Variants in TBP observed in about 807,000 individuals in gnomAD.
TBP encodes TATA-box binding protein.
A neutral mutation model predicts 46.2 loss-of-function variants in TBP; 12 were observed. The ratio of observed to expected loss-of-function variants is 0.26; its 90% CI spans 0.17 to 0.42. TBP has a LOEUF of 0.42. Ranked by LOEUF, TBP falls within the 10% of genes least tolerant of loss-of-function variation. The probability of loss-of-function intolerance (pLI) is 1.00; values close to 1 mark genes in which losing one functional copy is unlikely to be tolerated. For synonymous variants in TBP, 157 were observed against 148.3 expected (o/e 1.06, Z -0.42); for missense variants, 229 against 403.1 (o/e 0.57, Z 3.70).
rs1212600998 is a variant in TBP at position 170,569,594 on chromosome 6, CT to C, written c.678-12del. The C allele has an allele frequency of 1.2e-5, 20 of 1,606,720 alleles. No homozygotes were observed. The highest frequency in any genetic ancestry group is 1.7e-4 in the Middle Eastern group (1 of 6,002). ...GCTGGCTCTGAGTATGAATAACTCA[CT>C]TTTTTCCTTTCCCTAGTGAAGAACA... On this transcript the variant is annotated splice_polypyrimidine_tract_variant and intron_variant, in intron 5 of 7. Coordinates refer to ENST00000392092, the MANE Select transcript of TBP (RefSeq NM_003194.5).
chr6:170,564,212 C>T (rs1158613936), intron 3 of TBP, among the ~76,000 whole-genome samples: 3 of 152,188 alleles, frequency 2.0e-5, no homozygotes, highest in African/African-American at 7.2e-5. Context: ...AGGCTAAGGG[C>T]AGGCTCTGGA....
rs758096834 is a variant in TBP, at chr6:170,562,009, G to GCAA, written c.275_276insACA (p.Gln95dup). 14 of 1,527,598 alleles carry GCAA rather than the reference G, an allele frequency of 9.2e-6. No homozygotes were observed. In the Admixed American group the frequency reaches 1.2e-4, roughly 13 times the overall value. 94.6% of individuals were successfully genotyped at this position (1,527,598 alleles called of 1,614,324 possible). ...AGCAGCAGCAGCAGCAGCAGCAGCA[G>GCAA]CAGCAGCAACAGGCAGTGGCAGCTG... On this transcript the variant is annotated inframe_insertion, in exon 3 of 8. Coordinates refer to ENST00000392092, the MANE Select transcript of TBP (RefSeq NM_003194.5).
intron 5 of TBP, among the ~76,000 whole-genome samples, chr6:170,567,735 T>TA (rs1253987146): frequency 7.2e-5 from 11 of 152,214 alleles, no homozygotes; most frequent in Non-Finnish European, 2.9e-5. Context: ...CTTTCATTAA[T>TA]AGTGTTTGAG....
chr6:170,566,237 A>T (rs971799736), intron 4 of TBP, among the ~76,000 whole-genome samples: 8 of 152,222 alleles, frequency 5.3e-5, no homozygotes, highest in Non-Finnish European at 1.2e-4. Context: ...TCATGTACCT[A>T]ATAACTGAGG....
chr6:170,566,460 T>C (rs1779248376), intron 4 of TBP, among the ~76,000 whole-genome samples: 2 of 152,264 alleles, frequency 1.3e-5, no homozygotes, highest in Admixed American at 6.5e-5. Context: ...TACGTATTGA[T>C]AGGCTTGTAA....
intron 5 of TBP, among the ~76,000 whole-genome samples, chr6:170,568,163 A>T (rs532757298): frequency 7.9e-5 from 12 of 152,062 alleles, no homozygotes; most frequent in African/African-American, 2.9e-4. Flanking sequence ...TGCAGTAGTA[A>T]CCTCTTTAAT....
intron 3 of TBP, among the ~76,000 whole-genome samples, chr6:170,563,636 T>C (rs552754507): frequency 1.1e-3 from 162 of 152,316 alleles, no homozygotes; most frequent in Non-Finnish European, 1.9e-3. Context: ...TTGTGTATCA[T>C]AGACTGTACA....
At chr6:170,567,349 G>C (rs1438430406) in intron 5 of TBP, 1 of 153,822 alleles carries the variant, frequency 6.5e-6, no homozygotes, top group South Asian at 2.0e-4. Flanking sequence ...GCCAGGCGTG[G>C]TAGTGGATGT....
At chr6:170,571,351 T>A (rs762919624) in intron 6 of TBP, 59 bp from the exon 7 acceptor site, 48 of 1,282,268 alleles carry the variant, frequency 3.7e-5, no homozygotes, top group Non-Finnish European at 5.2e-5. Flanking sequence ...CAGGTCCTCA[T>A]TTTATCTAAA....
At chr6:170,556,650 C>T (rs898777871) in intron 1 of TBP, among the ~76,000 whole-genome samples, 1 of 152,046 alleles carries the variant, frequency 6.6e-6, no homozygotes, top group Admixed American at 6.6e-5. Flanking sequence ...GAGCATTTTC[C>T]GATTATTTAA....
chr6:170,568,828 T>C (rs547673051), intron 5 of TBP, among the ~76,000 whole-genome samples: 47 of 117,498 alleles, frequency 4.0e-4, no homozygotes, highest in African/African-American at 1.4e-3. Flanking sequence ...TTTTTTTTTT[T>C]TTTTTTTTTT....
At chr6:170,558,016 C>G (rs1779063915) in intron 2 of TBP, among the ~76,000 whole-genome samples, 1 of 152,112 alleles carries the variant, frequency 6.6e-6, no homozygotes, top group Non-Finnish European at 1.5e-5. Context: ...GACTTCTTAG[C>G]CCAGTGTACT....
intron 6 of TBP, among the ~76,000 whole-genome samples, chr6:170,570,203 T>G (rs962351668): frequency 1.3e-5 from 2 of 152,218 alleles, no homozygotes. Flanking sequence ...TCCCTGCTAC[T>G]TGCAGGTGAA....
chr6:170,561,913 GCAGCAACAACAA>G lies in TBP; in HGVS notation c.183_194del (p.Gln92_Gln95del). 6.3e-7 allele frequency: 1 copy of G among 1,581,098 alleles called. No individual in the cohort carries two copies. Among genetic ancestry groups the G allele is most frequent in the Non-Finnish European group, 8.5e-7 (1 of 1,170,490 alleles). On this transcript the variant is annotated inframe_deletion, in exon 3 of 8. Coordinates refer to ENST00000392092, the MANE Select transcript of TBP (RefSeq NM_003194.5). ...TTTTGGAAGAGCAACAAAGGCAGCA[GCAGCAACAACAA>G]CAGCAGCAGCAGCAGCAGCAGCAGC... is the stretch of plus-strand genomic sequence containing the variant.
intron 4 of TBP, among the ~76,000 whole-genome samples, chr6:170,564,856 TAAA>T (rs750400341): frequency 1.4e-5 from 2 of 138,828 alleles, no homozygotes; most frequent in Non-Finnish European, 1.6e-5. Context: ...CCCTGTCTCT[TAAA>T]AAAAAAAAAA....
chr6:170,571,445 G>C lies in TBP; in HGVS notation c.881G>C (p.Arg294Thr). ...GAGTTATTTCCTGGTTTAATCTACA[G>C]AATGATCAAACCCAGAATTGTTCTC... Reference protein sequence around the residue: ...EPELFPGLIYRMIKPRIVLLI... With the variant: ...EPELFPGLIYTMIKPRIVLLI... Residue 294 changes from arginine to threonine, a missense_variant, in exon 7 of 8, where the codon AGA becomes ACA. Arg to Thr is a moderately conservative substitution (Grantham distance 71, BLOSUM62 -1). Transcript: ENST00000392092. The C allele has an allele frequency of 1.2e-6, 2 of 1,613,882 alleles. No individual in the cohort carries two copies. Among genetic ancestry groups the C allele is most frequent in the Non-Finnish European group, 1.7e-6 (2 of 1,179,958 alleles).
Position 170,561,948 on chromosome 6 carries a change from AGCAACAGCAACAGCAGCAG to A in TBP, c.213_231del (p.Gln71HisfsTer67). 1 of 1,564,736 alleles carries A rather than the reference AGCAACAGCAACAGCAGCAG, an allele frequency of 6.4e-7. No individual in the cohort carries two copies. The highest frequency in any genetic ancestry group is 8.6e-7 in the Non-Finnish European group (1 of 1,163,994). On this transcript the variant is annotated frameshift_variant, in exon 3 of 8. Transcript: ENST00000392092. LOFTEE classifies it high-confidence loss of function. ...CAACAGCAGCAGCAGCAGCAGCAGC[AGCAACAGCAACAGCAGCAG>A]CAGCAGCAGCAGCAGCAGCAGCAGC... is the stretch of plus-strand genomic sequence containing the variant.
intron 5 of TBP, 111 bp from the exon 6 acceptor site, chr6:170,569,501 C>A: frequency 1.2e-6 from 1 of 842,546 alleles, no homozygotes; most frequent in East Asian, 2.8e-5. Flanking sequence ...AGAAGGCTGA[C>A]CAGTTTACAC....
chr6:170,572,137 A>G, intron 7 of TBP, 49 bp from the exon 8 acceptor site: 1 of 1,404,854 alleles, frequency 7.1e-7, no homozygotes, highest in South Asian at 1.2e-5. Flanking sequence ...TTAATATGTT[A>G]AGAAGTGCCA....
Sources: allele counts gnomAD v4.1 joint callset (sites outside exome capture counted in the v4.1 genomes callset), GRCh38; gene constraint gnomAD v4.1.1; transcripts MANE v1.5; gene names NCBI Gene and HGNC (gene_info 2026-07-23, HGNC 2026-07-21).